The following BABAM2 variants were observed in gnomAD, a reference collection of about 807,000 sequenced individuals.
BABAM2 encodes the protein BRISC and BRCA1-A complex member 2.
A neutral mutation model predicts 54.7 loss-of-function variants in BABAM2; 31 were observed. The observed-to-expected ratio is 0.57, with a 90% CI of 0.43 to 0.77. BABAM2 has a LOEUF of 0.77. Ranked by LOEUF, BABAM2 falls within the 30% of genes least tolerant of loss-of-function variation. BABAM2 has a pLI of 0.00. For synonymous variants in BABAM2, 167 were observed against 162.9 expected, an observed-to-expected ratio of 1.03 and a Z score of -0.19; for missense variants, 364 against 455.8, an observed-to-expected ratio of 0.80 and a Z score of 1.83.
chr2:28,110,914 T>C (rs1248995099), intron 6 of BABAM2, among the ~76,000 whole-genome samples: 2 of 151,838 alleles, frequency 1.3e-5, no homozygotes, highest in Non-Finnish European at 1.5e-5. Flanking sequence ...TGAGGTGATA[T>C]CTTATTGTAG....
intron 3 of BABAM2, among the ~76,000 whole-genome samples, chr2:27,943,660 G>A (rs999703991): frequency 6.6e-6 from 1 of 152,178 alleles, no homozygotes; most frequent in Non-Finnish European, 1.5e-5. Context: ...CAACAGTTGA[G>A]CTAAGTAAAA....
chr2:28,016,451 A>G (rs1674820536), intron 4 of BABAM2: 1 of 1,342,308 alleles, frequency 7.4e-7, no homozygotes, highest in Non-Finnish European at 1.1e-6. Flanking sequence ...TGTTGGGTTC[A>G]TATAGGCTAC....
chr2:28,218,319 G>T (rs1680094380), intron 7 of BABAM2, among the ~76,000 whole-genome samples: 1 of 152,146 alleles, frequency 6.6e-6, no homozygotes, highest in African/African-American at 2.4e-5. Context: ...TTCTAATTGT[G>T]TCAGTTGTTT....
intron 5 of BABAM2, among the ~76,000 whole-genome samples, chr2:28,044,376 C>T (rs1036442462): frequency 2.6e-5 from 4 of 151,980 alleles, no homozygotes; most frequent in African/African-American, 4.8e-5. Flanking sequence ...ACTACAGGCA[C>T]GTGCCACCAC....
At chr2:27,897,693 C>G (rs972700713) in intron 2 of BABAM2, among the ~76,000 whole-genome samples, 6 of 151,938 alleles carry the variant, frequency 3.9e-5, no homozygotes, top group Non-Finnish European at 8.8e-5. Flanking sequence ...AGTCAAGCAG[C>G]AGGCCTGGTG....
intron 4 of BABAM2, chr2:28,013,325 C>G (rs960854281): frequency 2.2e-6 from 1 of 455,370 alleles, no homozygotes. Context: ...GATATTTGAA[C>G]ATGCCCTAGA....
At chr2:28,018,905 T>C (rs1195556511) in intron 4 of BABAM2, among the ~76,000 whole-genome samples, 1 of 152,176 alleles carries the variant, frequency 6.6e-6, no homozygotes, top group East Asian at 1.9e-4. Context: ...TATAGGTATA[T>C]ATGAACCAGG....
At chr2:28,292,281 G>A (rs1177806478) in intron 10 of BABAM2, among the ~76,000 whole-genome samples, 1 of 152,168 alleles carries the variant, frequency 6.6e-6, no homozygotes, top group African/African-American at 2.4e-5. Context: ...CATTTGTTTG[G>A]CATTTTCAAG....
chr2:28,052,852 A>G (rs182036336), intron 6 of BABAM2, among the ~76,000 whole-genome samples: 58 of 152,306 alleles, frequency 3.8e-4, no homozygotes, highest in Non-Finnish European at 3.7e-4. Flanking sequence ...GAAATTTCTC[A>G]TTCTTCTCAT....
intron 7 of BABAM2, among the ~76,000 whole-genome samples, chr2:28,161,733 G>C (rs1673117356): frequency 6.6e-6 from 1 of 151,960 alleles, no homozygotes; most frequent in African/African-American, 2.4e-5. Context: ...CCTCCACTTT[G>C]CTCTTTTGCG....
intron 4 of BABAM2, chr2:28,016,296 C>G (rs1674808765): frequency 3.0e-6 from 3 of 988,694 alleles, no homozygotes; most frequent in Non-Finnish European, 4.7e-6. Flanking sequence ...TTCATTTTTT[C>G]TTCACATTCA....
At chr2:28,168,851 G>T in intron 7 of BABAM2, among the ~76,000 whole-genome samples, 1 of 152,142 alleles carries the variant, frequency 6.6e-6, no homozygotes, top group East Asian at 1.9e-4. Flanking sequence ...GAGCAGGATA[G>T]TTAGTCTCAC....
chr2:28,101,384 G>A (rs541781546), intron 6 of BABAM2, among the ~76,000 whole-genome samples: 214 of 152,292 alleles, frequency 1.4e-3, no homozygotes, highest in African/African-American at 5.0e-3. Context: ...TATTTGGTGT[G>A]TGTTAACAAG....
intron 1 of BABAM2, among the ~76,000 whole-genome samples, chr2:27,893,762 A>G (rs552162331): frequency 2.9e-4 from 44 of 152,158 alleles, no homozygotes; most frequent in Non-Finnish European, 2.2e-4. Context: ...TTGGGAGGCC[A>G]TGGTGGGTGG....
intron 7 of BABAM2, among the ~76,000 whole-genome samples, chr2:28,195,699 CT>C (rs1465996271): frequency 6.6e-6 from 1 of 152,178 alleles, no homozygotes; most frequent in African/African-American, 2.4e-5. Flanking sequence ...GACAGCCTGT[CT>C]TTATAAAAGT....
At position 27,938,477 on chromosome 2, in the gene BABAM2, C is replaced by T. The variant is rs187475199; in HGVS notation, c.205+8569C>T. 7.1e-3 allele frequency among the ~76,000 whole-genome samples: 1,083 copies of T among 152,060 alleles called. 5 individuals are homozygous for T. In the Middle Eastern group the frequency reaches 0.075, roughly 11 times the overall value. On this transcript the variant is annotated intron_variant, in intron 3 of 11. Coordinates refer to ENST00000379624, the MANE Select transcript of BABAM2 (RefSeq NM_199191.3). ...CACGGTCTCGGCTCACTGCAACCTC[C>T]GCCTCCTGGGTTCAAGCGATTCTCC...
chr2:28,044,260 G>A (rs1351034757), intron 5 of BABAM2, among the ~76,000 whole-genome samples: 3 of 152,062 alleles, frequency 2.0e-5, no homozygotes, highest in African/African-American at 4.8e-5. Context: ...ACGGAGTTTC[G>A]CTCTTGTTGC....
chr2:28,011,388 T>C (rs1292237155), intron 4 of BABAM2, among the ~76,000 whole-genome samples: 1 of 152,176 alleles, frequency 6.6e-6, no homozygotes, highest in Non-Finnish European at 1.5e-5. Flanking sequence ...GTGGCTGTTA[T>C]AACCCGAAGA....
At chr2:28,314,277 G>A (rs1311448067) in intron 11 of BABAM2, among the ~76,000 whole-genome samples, 1 of 152,126 alleles carries the variant, frequency 6.6e-6, no homozygotes, top group Non-Finnish European at 1.5e-5. Context: ...CTATTTTACG[G>A]GTTATGAAAT....
Sources: allele counts gnomAD v4.1 joint callset (sites outside exome capture counted in the v4.1 genomes callset), GRCh38; gene constraint gnomAD v4.1.1; transcripts MANE v1.5; gene names NCBI Gene and HGNC (gene_info 2026-07-23, HGNC 2026-07-21).